Variants in ZNF462 observed in about 807,000 individuals in gnomAD.
ZNF462 encodes zinc finger protein 462, also known as zinc finger PBX1-interacting protein.
ZNF462 carries 10 observed loss-of-function variants against 201.9 expected under a neutral mutation model. The ratio of observed to expected loss-of-function variants is 0.05; its 90% CI spans 0.03 to 0.08. The LOEUF is 0.08. ZNF462 is among the 10% of genes least tolerant of loss of function. The pLI is 1.00. For synonymous variants in ZNF462, 1,227 were observed against 1,193.3 expected (o/e 1.03, Z -0.58); for missense variants, 2,523 against 3,168.3 (o/e 0.80, Z 4.89).
Position 106,881,744 on chromosome 9 carries a change from A to G in ZNF462, c.-31+18389A>G, listed in dbSNP as rs114820546. On this transcript the variant is annotated intron_variant, in intron 1 of 12. Transcript: ENST00000277225. ...TATACCTTCTTGGCTAAAGAGGCTG[A>G]GCAATATTTTTTATTATATGGTGGC... Among the ~76,000 whole-genome samples the G allele has an allele frequency of 5.7e-3, 875 of 152,284 alleles. 5 individuals are homozygous for G. The highest frequency in any genetic ancestry group is 0.02 in the African/African-American group (837 of 41,552).
chr9:106,918,616 C>T, intron 1 of ZNF462, among the ~76,000 whole-genome samples: 1 of 152,206 alleles, frequency 6.6e-6, no homozygotes, highest in Admixed American at 6.5e-5. Context: ...TTACTAGTGC[C>T]TTTTTAAAAA....
At chr9:106,957,699 T>C (rs1257934670) in intron 7 of ZNF462, among the ~76,000 whole-genome samples, 1 of 152,134 alleles carries the variant, frequency 6.6e-6, no homozygotes, top group African/African-American at 2.4e-5. Context: ...TAAATGAATC[T>C]AAGAAATATG....
At chr9:106,874,570 C>G (rs1827744691) in intron 1 of ZNF462, among the ~76,000 whole-genome samples, 1 of 152,170 alleles carries the variant, frequency 6.6e-6, no homozygotes. Flanking sequence ...AGGAATCATT[C>G]ATTCTCTTGA....
chr9:106,903,239 A>G lies in ZNF462; in HGVS notation c.-30-20115A>G, dbSNP rs575919662. Among the ~76,000 whole-genome samples, 7 of 152,214 alleles carry G rather than the reference A, an allele frequency of 4.6e-5. No homozygotes were observed. In the East Asian group the frequency reaches 9.7e-4, roughly 21 times the overall value. On this transcript the variant is annotated intron_variant, in intron 1 of 12. Coordinates refer to ENST00000277225, the MANE Select transcript of ZNF462 (RefSeq NM_021224.6). ...TTTCCATGTATTTTCATGGTTTGGA[A>G]GGTTCCTTTTGGAATTGCTTTCCAG...
chr9:106,913,879 G>C lies in ZNF462; in HGVS notation c.-30-9475G>C, dbSNP rs1829656353. 1.3e-5 allele frequency among the ~76,000 whole-genome samples: 2 copies of C among 150,560 alleles called. No individual in the cohort carries two copies. Among genetic ancestry groups the C allele is most frequent in the Admixed American group, 1.3e-4 (2 of 15,020 alleles). The stretch of plus-strand genomic sequence containing the variant: ...AGCCTCCCAAAGTGCTAGGATTACA[G>C]GCATGAGACACTGTGCCCAGCTGAC... On this transcript the variant is annotated intron_variant, in intron 1 of 12. Transcript: ENST00000277225. This position sits in a 1 kb window ranked among gnomAD's most constrained non-coding sequence, Gnocchi z 4.1.
Position 106,966,327 on chromosome 9 carries a change from AGTT to A in ZNF462, c.6428-5673_6428-5671del, listed in dbSNP as rs1055306104. Among the ~76,000 whole-genome samples, 20 of 152,154 alleles carry A rather than the reference AGTT, an allele frequency of 1.3e-4. No individual in the cohort carries two copies. The highest frequency in any genetic ancestry group is 4.8e-4 in the African/African-American group (20 of 41,522). On this transcript the variant is annotated intron_variant, in intron 7 of 12. Coordinates refer to ENST00000277225, the MANE Select transcript of ZNF462 (RefSeq NM_021224.6). This position sits in a 1 kb window ranked among gnomAD's most constrained non-coding sequence, Gnocchi z 4.4. ...TTTTTTTTCATTGTGATAATAATGT[AGTT>A]GTTGAATTTCTGTTTAGTTTCTCCA...
chr9:106,944,782 A>C (rs549806283), intron 7 of ZNF462, among the ~76,000 whole-genome samples: 1 of 152,194 alleles, frequency 6.6e-6, no homozygotes, highest in Non-Finnish European at 1.5e-5. Flanking sequence ...TCTAGCTTCT[A>C]CATAGGACAT....
Position 106,974,796 on chromosome 9 carries a change from A to G in ZNF462, c.6832+523A>G, listed in dbSNP as rs1285355799. ...ATAGTCTCTATTATATATTCTAATA[A>G]TAATTAGAAAATCCATGGGCTTTGG... is the stretch of plus-strand genomic sequence containing the variant. On this transcript the variant is annotated intron_variant, in intron 9 of 12. Coordinates refer to ENST00000277225, the MANE Select transcript of ZNF462 (RefSeq NM_021224.6). The surrounding 1 kb of genome is among the most constrained non-coding windows in gnomAD (Gnocchi z 4.0). 6.4e-6 allele frequency: 1 copy of G among 155,596 alleles called. No homozygotes were observed. Among genetic ancestry groups the G allele is most frequent in the Non-Finnish European group, 1.4e-5 (1 of 69,788 alleles). 9.6% of individuals were successfully genotyped at this position (155,596 alleles called of 1,614,324 possible).
chr9:106,895,342 C>A lies in ZNF462; in HGVS notation c.-30-28012C>A, dbSNP rs569287655. On this transcript the variant is annotated intron_variant, in intron 1 of 12. Transcript: ENST00000277225. This position sits in a 1 kb window ranked among gnomAD's most constrained non-coding sequence, Gnocchi z 4.4. ...CAAGCATTAGCTTCTGCCCGTGCTC[C>A]CTTCTAAATATCATGTAGGCTTGAC... is the stretch of plus-strand genomic sequence containing the variant. Among the ~76,000 whole-genome samples, 36 of 152,250 alleles carry A rather than the reference C, an allele frequency of 2.4e-4. No individual in the cohort carries two copies. Among genetic ancestry groups the A allele is most frequent in the Admixed American group, 2.2e-3 (33 of 15,290 alleles).
At chr9:106,879,382 A>G (rs1407475506) in intron 1 of ZNF462, among the ~76,000 whole-genome samples, 1 of 118,516 alleles carries the variant, frequency 8.4e-6, no homozygotes, top group East Asian at 2.8e-4. Flanking sequence ...TGGAGCTTTC[A>G]CATTATGTGT....
rs1250265070 is a variant in ZNF462 at position 106,978,402 on chromosome 9, T to G, written c.6832+4129T>G. Among the ~76,000 whole-genome samples the G allele has an allele frequency of 6.6e-6, 1 of 151,568 alleles. No homozygotes were observed. Among genetic ancestry groups the G allele is most frequent in the Non-Finnish European group, 1.5e-5 (1 of 68,024 alleles). ...AAGCGCCTGGATACTAATATAGAAG[T>G]TGGAACTTTAGTCAGTAGACAGATG... On this transcript the variant is annotated intron_variant, in intron 9 of 12. Coordinates refer to ENST00000277225, the MANE Select transcript of ZNF462 (RefSeq NM_021224.6). This position sits in a 1 kb window ranked among gnomAD's most constrained non-coding sequence, Gnocchi z 4.1.
chr9:106,900,210 G>A (rs991987698), intron 1 of ZNF462, among the ~76,000 whole-genome samples: 670 of 57,956 alleles, frequency 0.012, 5 homozygotes, highest in African/African-American at 0.06. Flanking sequence ...CATCGTGTGT[G>A]TGTGTGTGTG....
At chr9:106,961,836 A>G (rs1185683665) in intron 7 of ZNF462, among the ~76,000 whole-genome samples, 2 of 152,044 alleles carry the variant, frequency 1.3e-5, no homozygotes, top group African/African-American at 2.4e-5. Context: ...GCAGATTTGG[A>G]CTGAGTTCAG....
At position 106,865,532 on chromosome 9, in the gene ZNF462, A is replaced by G. The variant is rs994524682; in HGVS notation, c.-31+2177A>G. Reference sequence around the variant, plus strand: ...CAGAGGAACTCTAAGACTGGCTAACACCAGTTTCTCCAGGTTCTCCATTTC... The same window carrying G: ...CAGAGGAACTCTAAGACTGGCTAACGCCAGTTTCTCCAGGTTCTCCATTTC... On this transcript the variant is annotated intron_variant, in intron 1 of 12. Transcript: ENST00000277225. The surrounding 1 kb of genome is among the most constrained non-coding windows in gnomAD (Gnocchi z 4.1). Among the ~76,000 whole-genome samples, 1 of 152,158 alleles carries G rather than the reference A, an allele frequency of 6.6e-6. No homozygotes were observed. Among genetic ancestry groups the G allele is most frequent in the Non-Finnish European group, 1.5e-5 (1 of 68,026 alleles).
intron 7 of ZNF462, among the ~76,000 whole-genome samples, chr9:106,961,734 T>C (rs1831849634): frequency 6.6e-6 from 1 of 151,968 alleles, no homozygotes; most frequent in Non-Finnish European, 1.5e-5. Flanking sequence ...TAAATTAACC[T>C]TAATACAGCA....
At chr9:106,989,398 A>G (rs542743140) in intron 10 of ZNF462, among the ~76,000 whole-genome samples, 1 of 152,226 alleles carries the variant, frequency 6.6e-6, no homozygotes, top group Non-Finnish European at 1.5e-5. Flanking sequence ...CCACTTGATC[A>G]TGGTGGATTA....
chr9:106,911,905 T>C (rs945991797), intron 1 of ZNF462, among the ~76,000 whole-genome samples: 20 of 152,332 alleles, frequency 1.3e-4, no homozygotes, highest in African/African-American at 4.8e-4. Flanking sequence ...GATAAATTAA[T>C]ATATTAGTAA....
At position 106,977,389 on chromosome 9, in the gene ZNF462, A is replaced by G. The variant is rs1464684198; in HGVS notation, c.6832+3116A>G. ...TGAAAAGCAAGAAAACCAACTTCTG[A>G]ACTGGCCCAGAGACAGAACTACTGC... On this transcript the variant is annotated intron_variant, in intron 9 of 12. Coordinates refer to ENST00000277225, the MANE Select transcript of ZNF462 (RefSeq NM_021224.6). This position sits in a 1 kb window ranked among gnomAD's most constrained non-coding sequence, Gnocchi z 4.6. Among the ~76,000 whole-genome samples the G allele has an allele frequency of 6.6e-6, 1 of 151,590 alleles. No individual in the cohort carries two copies. The highest frequency in any genetic ancestry group is 1.5e-5 in the Non-Finnish European group (1 of 68,038).
At chr9:106,979,017 A>G (rs1827219545) in intron 9 of ZNF462, 3 of 218,734 alleles carry the variant, frequency 1.4e-5, no homozygotes, top group South Asian at 6.4e-5. Flanking sequence ...CAATTTGGCC[A>G]TCTCCTTGAT....
Sources: allele counts gnomAD v4.1 joint callset (sites outside exome capture counted in the v4.1 genomes callset), GRCh38; gene constraint gnomAD v4.1.1; non-coding constraint Gnocchi (gnomAD v3.1); transcripts MANE v1.5; gene names NCBI Gene and HGNC (gene_info 2026-07-23, HGNC 2026-07-21).